Variants in TOR1AIP2 observed in about 807,000 individuals in gnomAD.
The protein encoded by TOR1AIP2 is torsin 1A interacting protein 2.
TOR1AIP2 carries 20 observed loss-of-function variants against 32.6 expected under a neutral mutation model. That is an observed-to-expected ratio of 0.61 (90% CI 0.43 to 0.89). The LOEUF (loss-of-function observed/expected upper bound fraction) is 0.89, where lower values mean the gene tolerates loss of function less well. Among genes scored for constraint, TOR1AIP2 ranks in the 40% least tolerant of loss-of-function variants. The probability of loss-of-function intolerance (pLI) is 0.00; values close to 1 mark genes in which losing one functional copy is unlikely to be tolerated. For missense variants in TOR1AIP2, 456 were observed against 553.8 expected, an observed-to-expected ratio of 0.82 and a Z score of 1.77; for synonymous variants, 214 against 210.8, an observed-to-expected ratio of 1.02 and a Z score of -0.13.
rs1225065633 is a variant in TOR1AIP2, at chr1:179,845,402, T to C, written c.*669A>G. On this transcript the variant is annotated 3_prime_UTR_variant, in exon 7 of 7. Coordinates refer to ENST00000609928, the MANE Select transcript of TOR1AIP2 (RefSeq NM_001199260.2). ...TTCATTTCCAATGATTATAAACAAT[T>C]TCCCCACTGGTTCTCATTTTTAAGA... 6.6e-6 allele frequency: 1 copy of C among 152,234 alleles called. No individual in the cohort carries two copies. Among genetic ancestry groups the C allele is most frequent in the Non-Finnish European group, 1.5e-5 (1 of 68,028 alleles). The allele number at this position is 152,234 out of a possible 1,614,324, so 9.4% of individuals were successfully genotyped here.
At chr1:179,858,253 TAC>T (rs1327976486) in intron 3 of TOR1AIP2, among the ~76,000 whole-genome samples, 2 of 152,242 alleles carry the variant, frequency 1.3e-5, no homozygotes, top group East Asian at 1.9e-4. Context: ...TTTTTGTCAC[TAC>T]AGAGTGATAT....
At chr1:179,847,753 GC>G in intron 5 of TOR1AIP2, 117 bp from the exon 6 acceptor site, 1 of 716,430 alleles carries the variant, frequency 1.4e-6, no homozygotes, top group Non-Finnish European at 2.4e-6. Context: ...CTATACCTTG[GC>G]CAGGTACGGT....
chr1:179,848,465 T>C (rs565219472), intron 5 of TOR1AIP2, among the ~76,000 whole-genome samples: 2 of 152,300 alleles, frequency 1.3e-5, no homozygotes, highest in East Asian at 3.9e-4. Context: ...GAAGGAGATA[T>C]ACAAAGCAAG....
chr1:179,869,234 C>T (rs1302849414), intron 2 of TOR1AIP2: 1 of 152,194 alleles, frequency 6.6e-6, no homozygotes, highest in East Asian at 1.9e-4. Flanking sequence ...CCTCAGCCTC[C>T]CAAAGTGCTG....
Position 179,848,010 on chromosome 1 carries a change from G to A in TOR1AIP2, c.554-374C>T, listed in dbSNP as rs111309626. On this transcript the variant is annotated intron_variant, in intron 5 of 6. Transcript: ENST00000609928. ...ATCGTGCCACTGCACTCCAGCCTGGGGGACAGAGCAAGACTCCATCTCAGA... is the reference window on the plus strand; with the variant it reads ...ATCGTGCCACTGCACTCCAGCCTGGAGGACAGAGCAAGACTCCATCTCAGA... 4.6e-5 allele frequency among the ~76,000 whole-genome samples: 7 copies of A among 150,586 alleles called. 1 individual carries two copies. The highest frequency in any genetic ancestry group is 1.7e-4 in the African/African-American group (7 of 40,980).
Position 179,863,358 on chromosome 1 carries a change from T to C in TOR1AIP2, c.-147+2078A>G, listed in dbSNP as rs547858791. ...TGTAAACTGGTACTTTCTAATGAGATGTAAGAAGAAATTTGCTAGGGATTT... is the reference window on the plus strand; with the variant it reads ...TGTAAACTGGTACTTTCTAATGAGACGTAAGAAGAAATTTGCTAGGGATTT... On this transcript the variant is annotated intron_variant, in intron 3 of 6. Transcript: ENST00000609928. The C allele has an allele frequency of 5.7e-5, 56 of 984,914 alleles. No homozygotes were observed. In the African/African-American group the frequency reaches 8.9e-4, roughly 16 times the overall value. The allele number at this position is 984,914 out of a possible 1,614,324, so 61.0% of individuals were successfully genotyped here.
At chr1:179,872,740 G>T (rs566413922) in intron 2 of TOR1AIP2, among the ~76,000 whole-genome samples, 16 of 152,218 alleles carry the variant, frequency 1.1e-4, no homozygotes, top group African/African-American at 2.4e-4. Context: ...AGTTTCGGTT[G>T]ACCACGTAGA....
chr1:179,861,581 A>G, intron 3 of TOR1AIP2: 1 of 985,204 alleles, frequency 1.0e-6, no homozygotes, highest in Non-Finnish European at 1.2e-6. Context: ...CTGTTTGTGA[A>G]GAAGACTGAA....
chr1:179,859,397 A>G, intron 3 of TOR1AIP2: 1 of 985,046 alleles, frequency 1.0e-6, no homozygotes, highest in African/African-American at 1.7e-5. Context: ...ATTTGAACTC[A>G]GGTAGTCTAG....
Position 179,850,859 on chromosome 1 carries a change from C to A in TOR1AIP2, c.539G>T (p.Arg180Leu). 1 of 1,613,046 alleles carries A rather than the reference C, an allele frequency of 6.2e-7. No individual in the cohort carries two copies. Among genetic ancestry groups the A allele is most frequent in the Non-Finnish European group, 8.5e-7 (1 of 1,179,268 alleles). Reference sequence around the variant, plus strand: ...GGTTCTCTTACCTGGGGCCAGCAGTCGCCTCCTCAGTGTATCCTCACCCTC... The same window carrying A: ...GGTTCTCTTACCTGGGGCCAGCAGTAGCCTCCTCAGTGTATCCTCACCCTC... ...GQEGEDTLRR[R>L]LLAPEAGSHP... The change falls in exon 5 of 7, where the codon CGA becomes CTA. Residue 180 changes from arginine (R) to leucine (L), a missense_variant. Transcript: ENST00000609928.
Position 179,851,356 on chromosome 1 carries a change from T to C in TOR1AIP2, c.42A>G (p.Gln14=), listed in dbSNP as rs1696110153. Residue 14 remains glutamine, a synonymous_variant, in exon 5 of 7, where the codon CAA becomes CAG. Transcript: ENST00000609928. ...CTGATGGATCATTTTCCAAATCCTT[T>C]TGAGAGTCTATTGAGATAAAAGTTT... ...SGLREPQEDS[Q]KDLENDPSVN... 4.5e-6 allele frequency: 7 copies of C among 1,556,288 alleles called. No homozygotes were observed. Among genetic ancestry groups the C allele is most frequent in the Non-Finnish European group, 4.3e-6 (5 of 1,160,268 alleles).
In TOR1AIP2 at chr1:179,842,314, C is replaced by T. The variant is rs530453526; in HGVS notation, c.*3757G>A. The T allele has an allele frequency of 2.0e-5, 3 of 152,252 alleles. No individual in the cohort carries two copies. The highest frequency in any genetic ancestry group is 2.1e-4 in the South Asian group (1 of 4,812). 9.4% of individuals were successfully genotyped at this position (152,252 alleles called of 1,614,324 possible). A position where few individuals can be genotyped will look rare whatever the true frequency, so the allele number is the denominator to read the frequency against. The stretch of plus-strand genomic sequence containing the variant: ...TTACCAGCATGCTGAGCCTTATTAA[C>T]CACCATACACTTGGGGGCTTCCAAA... On this transcript the variant is annotated 3_prime_UTR_variant, in exon 7 of 7. Coordinates refer to ENST00000609928, the MANE Select transcript of TOR1AIP2 (RefSeq NM_001199260.2).
intron 2 of TOR1AIP2, chr1:179,875,168 T>C (rs769561582): frequency 1.3e-5 from 2 of 152,128 alleles, no homozygotes; most frequent in Non-Finnish European, 2.9e-5. Flanking sequence ...GCCCAGCTAA[T>C]TTCTTTGTAT....
chr1:179,870,852 C>A (rs1422098473), intron 2 of TOR1AIP2, among the ~76,000 whole-genome samples: 1 of 152,214 alleles, frequency 6.6e-6, no homozygotes, highest in Non-Finnish European at 1.5e-5. Context: ...ATATGACTAT[C>A]ATTAGGTTTT....
At chr1:179,851,515 G>A (rs1571662641) in intron 4 of TOR1AIP2, 152 bp from the exon 5 acceptor site, 1 of 550,572 alleles carries the variant, frequency 1.8e-6, no homozygotes, top group East Asian at 3.3e-5. Context: ...CCCACTAAAG[G>A]CAATTAAAAC....
chr1:179,845,037 T>A lies in TOR1AIP2; in HGVS notation c.*1034A>T, dbSNP rs1571648415. The A allele has an allele frequency of 3.3e-5, 5 of 152,308 alleles. No homozygotes were observed. The South Asian group carries it at 1.0e-3, about 32-fold the overall frequency. 9.4% of individuals were successfully genotyped at this position (152,308 alleles called of 1,614,324 possible). On this transcript the variant is annotated 3_prime_UTR_variant, in exon 7 of 7. Transcript: ENST00000609928. ...ATGCTAGTAAATGCTAGCTTATACA[T>A]TCTGCTGTTCATGTATAGATCTTTA...
intron 3 of TOR1AIP2, chr1:179,861,000 C>T (rs1334120582): frequency 9.1e-6 from 9 of 985,342 alleles, no homozygotes; most frequent in Non-Finnish European, 1.1e-5. Flanking sequence ...ACTCATATCC[C>T]CCAACAGCCA....
chr1:179,846,866 G>A (rs1204462747), intron 6 of TOR1AIP2, 38 bp from the exon 7 acceptor site: 2 of 1,533,570 alleles, frequency 1.3e-6, no homozygotes, highest in Non-Finnish European at 1.7e-6. Flanking sequence ...AAATTACAGA[G>A]AACACGAGCC....
chr1:179,847,654 CAAT>C lies in TOR1AIP2; in HGVS notation c.554-21_554-19del. 1 of 1,514,216 alleles carries C rather than the reference CAAT, an allele frequency of 6.6e-7. No individual in the cohort carries two copies. The highest frequency in any genetic ancestry group is 9.2e-7 in the Non-Finnish European group (1 of 1,089,284). The allele number at this position is 1,514,216 out of a possible 1,614,324, so 93.8% of individuals were successfully genotyped here. A position where few individuals can be genotyped will look rare whatever the true frequency, so the allele number is the denominator to read the frequency against. On this transcript the variant is annotated intron_variant, in intron 5 of 6. Coordinates refer to ENST00000609928, the MANE Select transcript of TOR1AIP2 (RefSeq NM_001199260.2). ...TCCAGCCTCTGGAGAGGAAAAGAATCAATATTATTTTTAGGCAGTACACTAATG... is the reference window on the plus strand; with the variant it reads ...TCCAGCCTCTGGAGAGGAAAAGAATCATTATTTTTAGGCAGTACACTAATG...
Sources: gnomAD v4.1 joint callset for allele counts (sites outside exome capture counted in the v4.1 genomes callset) on GRCh38, gnomAD v4.1.1 for gene constraint, MANE v1.5 for transcripts, NCBI Gene and HGNC (gene_info 2026-07-23, HGNC 2026-07-21) for gene names.